Variants in EPHA3 observed in about 807,000 individuals in gnomAD.
EPHA3 encodes ephrin type-A receptor 3.
Under a neutral mutation model 107.1 loss-of-function variants are expected in EPHA3, and 42 were observed. The ratio of observed to expected loss-of-function variants is 0.39; its 90% CI spans 0.31 to 0.51. The LOEUF (loss-of-function observed/expected upper bound fraction) is 0.51, where lower values mean the gene tolerates loss of function less well. Among genes scored for constraint, EPHA3 ranks in the 20% least tolerant of loss-of-function variants. The probability of loss-of-function intolerance (pLI) is 0.78; values close to 1 mark genes in which losing one functional copy is unlikely to be tolerated. For missense variants in EPHA3, 1,183 were observed against 1,211.2 expected (o/e 0.98, Z 0.35); for synonymous variants, 461 against 424.8 (o/e 1.09, Z -1.05).
intron 5 of EPHA3, among the ~76,000 whole-genome samples, chr3:89,343,589 T>C (rs1340603099): frequency 6.6e-6 from 1 of 152,204 alleles, no homozygotes; most frequent in Non-Finnish European, 1.5e-5. Flanking sequence ...ATAGATATTT[T>C]AAATATAAGC....
intron 5 of EPHA3, among the ~76,000 whole-genome samples, chr3:89,373,190 A>G (rs1442509828): frequency 6.6e-6 from 1 of 151,888 alleles, no homozygotes; most frequent in East Asian, 1.9e-4. Context: ...TTACAAAAGT[A>G]AATAATTATG....
At chr3:89,156,616 C>T (rs1377073841) in intron 2 of EPHA3, among the ~76,000 whole-genome samples, 5 of 151,846 alleles carry the variant, frequency 3.3e-5, no homozygotes, top group Non-Finnish European at 5.9e-5. Flanking sequence ...TGGTTTCAAG[C>T]GTTTGCCATT....
chr3:89,444,350 T>G (rs115635147), intron 13 of EPHA3, among the ~76,000 whole-genome samples: 1,517 of 146,016 alleles, frequency 0.01, 27 homozygotes, highest in African/African-American at 0.037. Context: ...CATAATAATT[T>G]TGCTCGTTTG....
intron 2 of EPHA3, among the ~76,000 whole-genome samples, chr3:89,192,322 T>A (rs1289270185): frequency 6.6e-6 from 1 of 152,140 alleles, no homozygotes; most frequent in Non-Finnish European, 1.5e-5. Flanking sequence ...ACTGCTGATA[T>A]TGAAAATGAT....
chr3:89,405,205 A>C (rs887861350), intron 7 of EPHA3, among the ~76,000 whole-genome samples: 2 of 152,186 alleles, frequency 1.3e-5, no homozygotes, highest in African/African-American at 4.8e-5. Flanking sequence ...ACAGCAGTGC[A>C]GCTCTGAGGG....
chr3:89,202,891 CTG>C (rs892181334), intron 2 of EPHA3, among the ~76,000 whole-genome samples: 2 of 152,070 alleles, frequency 1.3e-5, no homozygotes, highest in African/African-American at 4.8e-5. Flanking sequence ...AAATAGAACA[CTG>C]TGAGGATTTA....
intron 5 of EPHA3, among the ~76,000 whole-genome samples, chr3:89,367,001 A>G (rs2107465362): frequency 6.6e-6 from 1 of 150,674 alleles, no homozygotes; most frequent in Admixed American, 6.7e-5. Context: ...ACTTGATATT[A>G]CTAACTTCAG....
chr3:89,317,124 G>T (rs1224838427), intron 3 of EPHA3, among the ~76,000 whole-genome samples: 2 of 151,492 alleles, frequency 1.3e-5, no homozygotes, highest in Admixed American at 6.6e-5. Context: ...GAAATTTTTG[G>T]CCATAATTAA....
intron 3 of EPHA3, among the ~76,000 whole-genome samples, chr3:89,224,354 C>T (rs941878853): frequency 6.6e-6 from 1 of 152,136 alleles, no homozygotes; most frequent in Admixed American, 6.5e-5. Context: ...AGTTAATTTA[C>T]AATAAAATGA....
intron 5 of EPHA3, among the ~76,000 whole-genome samples, chr3:89,367,024 C>A (rs992958238): frequency 6.6e-6 from 1 of 150,466 alleles, no homozygotes; most frequent in Non-Finnish European, 1.5e-5. Flanking sequence ...TCTCATCAAC[C>A]CTCATCTTGA....
intron 3 of EPHA3, among the ~76,000 whole-genome samples, chr3:89,237,322 G>A (rs1451919319): frequency 6.6e-6 from 1 of 152,228 alleles, no homozygotes; most frequent in East Asian, 1.9e-4. Flanking sequence ...AATGAGCCGA[G>A]ATGGTGCCAC....
chr3:89,426,131 C>T lies in EPHA3; in HGVS notation c.2075-2975C>T, dbSNP rs369211242. ...AGATGTGTTTTGGGGTTTCTGAGAG[C>T]CGCAAATGATACAAGCTTTGTCTGG... is the stretch of plus-strand genomic sequence containing the variant. On this transcript the variant is annotated intron_variant, in intron 11 of 16. Coordinates refer to ENST00000336596, the MANE Select transcript of EPHA3 (RefSeq NM_005233.6). Among the ~76,000 whole-genome samples, 63 of 151,714 alleles carry T rather than the reference C, an allele frequency of 4.2e-4. No individual in the cohort carries two copies. In the South Asian group the frequency reaches 0.013, roughly 31 times the overall value.
chr3:89,356,723 C>T lies in EPHA3; in HGVS notation c.1306+14633C>T, dbSNP rs562000927. ...TTGATTCTGTGCCATCACTGAGGTG[C>T]CCTACATAGGATGTAATGGAAATGA... On this transcript the variant is annotated intron_variant, in intron 5 of 16. Coordinates refer to ENST00000336596, the MANE Select transcript of EPHA3 (RefSeq NM_005233.6). Among the ~76,000 whole-genome samples, 5 of 150,990 alleles carry T rather than the reference C, an allele frequency of 3.3e-5. 1 individual carries two copies. In the East Asian group the frequency reaches 7.8e-4, roughly 24 times the overall value.
intron 2 of EPHA3, among the ~76,000 whole-genome samples, chr3:89,168,884 T>A (rs1004568272): frequency 9.2e-5 from 14 of 152,050 alleles, no homozygotes; most frequent in Admixed American, 2.0e-4. Flanking sequence ...CATCAAAAAA[T>A]AAAACTAGCA....
At chr3:89,329,192 A>G (rs1429904530) in intron 3 of EPHA3, among the ~76,000 whole-genome samples, 1 of 152,094 alleles carries the variant, frequency 6.6e-6, no homozygotes, top group Non-Finnish European at 1.5e-5. Context: ...TCATATGTAA[A>G]CATACACACA....
At chr3:89,174,722 T>G (rs1705282749) in intron 2 of EPHA3, among the ~76,000 whole-genome samples, 1 of 151,936 alleles carries the variant, frequency 6.6e-6, no homozygotes, top group African/African-American at 2.4e-5. Context: ...AACCACCAAG[T>G]TAAATTATGA....
intron 1 of EPHA3, among the ~76,000 whole-genome samples, chr3:89,113,985 A>AC (rs1437451801): frequency 6.6e-6 from 1 of 152,112 alleles, no homozygotes; most frequent in Non-Finnish European, 1.5e-5. Flanking sequence ...ACATCCCCCA[A>AC]CCCTTCATTT....
rs1182237596 is a variant in EPHA3 at position 89,479,570 on chromosome 3, A to G, written c.*68A>G. On this transcript the variant is annotated 3_prime_UTR_variant, in exon 17 of 17. Transcript: ENST00000336596. The stretch of plus-strand genomic sequence containing the variant: ...GAAGGCGTAGCATCATCCTGCAGAC[A>G]GACAATAATTCTGGAGATACTGGTG... 3.4e-5 allele frequency: 42 copies of G among 1,229,160 alleles called. No individual in the cohort carries two copies. The Middle Eastern group carries it at 9.0e-4, about 26-fold the overall frequency. The allele number at this position is 1,229,160 out of a possible 1,614,324, so 76.1% of individuals were successfully genotyped here.
intron 3 of EPHA3, among the ~76,000 whole-genome samples, chr3:89,339,838 AATC>A (rs1253866160): frequency 6.6e-6 from 1 of 152,184 alleles, no homozygotes; most frequent in Non-Finnish European, 1.5e-5. Flanking sequence ...AAGTTCTGTA[AATC>A]ATCAAGTCCA....
Sources: allele counts gnomAD v4.1 joint callset (sites outside exome capture counted in the v4.1 genomes callset), GRCh38; gene constraint gnomAD v4.1.1; transcripts MANE v1.5; gene names NCBI Gene and HGNC (gene_info 2026-07-23, HGNC 2026-07-21).